Variants in DNMT1 observed in about 807,000 individuals in gnomAD.
DNMT1 encodes the protein DNA methyltransferase 1, also known as DNA (cytosine-5)-methyltransferase 1.
Under a neutral mutation model 205.3 loss-of-function variants are expected in DNMT1, and 24 were observed. That is an observed-to-expected ratio of 0.12 (90% CI 0.08 to 0.16). DNMT1 has a LOEUF of 0.16. Ranked by LOEUF, DNMT1 falls within the 10% of genes least tolerant of loss-of-function variation. The pLI is 1.00. For synonymous variants in DNMT1, 817 were observed against 839.8 expected, an observed-to-expected ratio of 0.97 and a Z score of 0.47; for missense variants, 1,293 against 2,177.7, an observed-to-expected ratio of 0.59 and a Z score of 8.09.
chr19:10,155,067 C>T lies in DNMT1; in HGVS notation c.1493-11G>A. On this transcript the variant is annotated splice_polypyrimidine_tract_variant and intron_variant, in intron 19 of 40. Coordinates refer to ENST00000359526, the MANE Select transcript of DNMT1 (RefSeq NM_001130823.3). ...TGTATTCGGCAAATGCTGGGGTGAA[C>T]AGAGGAGGTGTGGAAAAGGGGCTGG... 1.9e-6 allele frequency: 3 copies of T among 1,613,984 alleles called. No homozygotes were observed. The highest frequency in any genetic ancestry group is 1.7e-5 in the Admixed American group (1 of 60,012).
In DNMT1 at chr19:10,180,936, T is replaced by C. The variant is rs149650461; in HGVS notation, c.118-51A>G. 3 of 1,461,420 alleles carry C rather than the reference T, an allele frequency of 2.1e-6. No individual in the cohort carries two copies. The East Asian group carries it at 6.8e-5, about 33-fold the overall frequency. 90.5% of individuals were successfully genotyped at this position (1,461,420 alleles called of 1,614,324 possible). On this transcript the variant is annotated intron_variant, in intron 2 of 40. Transcript: ENST00000359526. ...GTACCCACATTCCCAAGCTATTCACTAGTGGACTAATACACAAATTATTGA... is the reference window on the plus strand; with the variant it reads ...GTACCCACATTCCCAAGCTATTCACCAGTGGACTAATACACAAATTATTGA...
chr19:10,162,493 C>T (rs1568240244), intron 13 of DNMT1, among the ~76,000 whole-genome samples, 174 bp downstream of exon 13: 1 of 151,208 alleles, frequency 6.6e-6, no homozygotes, highest in Non-Finnish European at 1.5e-5. Flanking sequence ...TGGTCTTGAA[C>T]TCCTGACCTC....
At position 10,151,340 on chromosome 19, in the gene DNMT1, G is replaced by A; in HGVS notation, c.2265+58C>T. ...GAGGTCAGGTTGGCGAGATACTAGA[G>A]GGCAACCTGCTTATTGGGAACATGG... is the stretch of plus-strand genomic sequence containing the variant. On this transcript the variant is annotated intron_variant, in intron 24 of 40. Transcript: ENST00000359526. The surrounding 1 kb of genome is among the most constrained non-coding windows in gnomAD (Gnocchi z 5.0). 1.9e-6 allele frequency: 3 copies of A among 1,603,834 alleles called. No individual in the cohort carries two copies. Among genetic ancestry groups the A allele is most frequent in the Non-Finnish European group, 8.5e-7 (1 of 1,179,746 alleles).
At chr19:10,185,843 GAAAAAAA>G (rs57377594) in intron 1 of DNMT1, among the ~76,000 whole-genome samples, 1 of 70,726 alleles carries the variant, frequency 1.4e-5, no homozygotes, top group African/African-American at 4.9e-5. Flanking sequence ...TGTCTCAAAA[GAAAAAAA>G]AAAAAAAAAA....
chr19:10,169,706 A>C (rs1417392139), intron 9 of DNMT1, among the ~76,000 whole-genome samples: 1 of 151,188 alleles, frequency 6.6e-6, no homozygotes, highest in Non-Finnish European at 1.5e-5. Flanking sequence ...GCGGAGCTTG[A>C]AGTGAGCGGA....
intron 8 of DNMT1, 127 bp downstream of exon 8, chr19:10,173,743 TG>T (rs771580824): frequency 4.0e-5 from 39 of 969,298 alleles, no homozygotes; most frequent in Non-Finnish European, 6.1e-5. Flanking sequence ...TCGCCCATCT[TG>T]GCCTCCCAAA....
At chr19:10,141,831 T>G (rs946642594) in intron 30 of DNMT1, 197 bp downstream of exon 30, 18 of 614,624 alleles carry the variant, frequency 2.9e-5, no homozygotes, top group Admixed American at 8.9e-5. Flanking sequence ...CACTTGAATC[T>G]CATACAACTT....
At chr19:10,135,877 G>T in intron 38 of DNMT1, 25 bp from the exon 39 acceptor site, 1 of 1,540,504 alleles carries the variant, frequency 6.5e-7, no homozygotes, top group South Asian at 1.2e-5. Flanking sequence ...CGCGGTGGGC[G>T]AGGGCAGTAG....
chr19:10,184,611 G>C (rs538196691), intron 1 of DNMT1: 85 of 152,270 alleles, frequency 5.6e-4, no homozygotes, highest in African/African-American at 2.0e-3. Flanking sequence ...GCAGGAGTTC[G>C]AGTCCAGCCT....
intron 27 of DNMT1, among the ~76,000 whole-genome samples, chr19:10,148,648 C>G (rs952363196): frequency 1.3e-5 from 2 of 152,204 alleles, no homozygotes; most frequent in Admixed American, 6.5e-5. Flanking sequence ...AAGACGAACC[C>G]TGTTCCTGGG....
intron 7 of DNMT1, 37 bp downstream of exon 7, chr19:10,175,503 T>A: frequency 6.2e-7 from 1 of 1,609,940 alleles, no homozygotes; most frequent in South Asian, 1.1e-5. Context: ...ATACACCAAG[T>A]TAAGGTAGAG....
In DNMT1 at chr19:10,160,408, C is replaced by T; in HGVS notation, c.1019G>A (p.Arg340Lys). 1 of 1,614,104 alleles carries T rather than the reference C, an allele frequency of 6.2e-7. No homozygotes were observed. The highest frequency in any genetic ancestry group is 8.5e-7 in the Non-Finnish European group (1 of 1,179,986). ...EKDEDEKEEK[R>K]RKTTPKEPTE... ...CGGTTCTTTGGGGGTCGTTTTGCGT[C>T]TCTTCTCCTCCTACACAGGGAAAAC... The change falls in exon 14 of 41, where the codon AGA becomes AAA. Residue 340 changes from arginine to lysine, a missense_variant. Physicochemically the swap from Arg to Lys is conservative, Grantham distance 26. Transcript: ENST00000359526.
At position 10,166,698 on chromosome 19, in the gene DNMT1, A is replaced by T. The variant is rs773612383; in HGVS notation, c.804-13T>A. ...CTGTTTGGGTGTTCTGTCACAGAAG[A>T]CAACACACACACAGGCTGGTCAGCT... On this transcript the variant is annotated splice_polypyrimidine_tract_variant and intron_variant, in intron 10 of 40. Transcript: ENST00000359526. 6.2e-7 allele frequency: 1 copy of T among 1,614,012 alleles called. No homozygotes were observed.
chr19:10,173,763 A>G, intron 8 of DNMT1, 108 bp downstream of exon 8: 1 of 1,245,084 alleles, frequency 8.0e-7, no homozygotes, highest in East Asian at 2.4e-5. Flanking sequence ...AAGTGCTGAG[A>G]TTACAGGCAT....
intron 39 of DNMT1, 79 bp downstream of exon 39, chr19:10,135,657 G>T: frequency 6.8e-7 from 1 of 1,480,778 alleles, no homozygotes; most frequent in Non-Finnish European, 9.2e-7. Flanking sequence ...GGAAGTGACT[G>T]CGCTGGCCCC....
At position 10,149,003 on chromosome 19, in the gene DNMT1, G is replaced by A. The variant is rs200414033; in HGVS notation, c.2601C>T (p.Pro867=). The change falls in exon 27 of 41, where the codon CCC becomes CCT. Residue 867 remains proline (P), a synonymous_variant. Transcript: ENST00000359526. ...ENWAMEGGMD[P]ESLLEGDDGK... ...CGTCGTCCCCCTCCAGCAGGGACTCGGGATCCATGCCTCCCTTGGGAGATA... is the reference window on the plus strand; with the variant it reads ...CGTCGTCCCCCTCCAGCAGGGACTCAGGATCCATGCCTCCCTTGGGAGATA... 3.0e-5 allele frequency: 48 copies of A among 1,614,044 alleles called. No individual in the cohort carries two copies. Among genetic ancestry groups the A allele is most frequent in the African/African-American group, 6.7e-5 (5 of 75,034 alleles).
At chr19:10,160,519 C>A (rs540196498) in intron 13 of DNMT1, 101 bp from the exon 14 acceptor site, 2 of 1,332,556 alleles carry the variant, frequency 1.5e-6, no homozygotes, top group Non-Finnish European at 2.1e-6. Context: ...TATCATAAAA[C>A]AGAGAGAAGG....
At chr19:10,135,446 G>A in intron 39 of DNMT1, 1 of 476,838 alleles carries the variant, frequency 2.1e-6, no homozygotes. Context: ...TACAGCGAGT[G>A]AGCTGTCGCC....
chr19:10,137,968 G>A lies in DNMT1; in HGVS notation c.4157C>T (p.Thr1386Met). 1 of 1,611,610 alleles carries A rather than the reference G, an allele frequency of 6.2e-7. No individual in the cohort carries two copies. Residue 1386 changes from threonine to methionine, a missense_variant, in exon 36 of 41, where the codon ACG (threonine) becomes ATG (methionine). By Grantham distance (81) the Thr-to-Met change is moderately conservative. Around this residue, in one of 13 missense-constraint regions of DNMT1, gnomAD observed 148 missense variants for 256.1 expected, o/e 0.58. Transcript: ENST00000359526. This position sits in a 1 kb window ranked among gnomAD's most constrained non-coding sequence, Gnocchi z 6.4. ...GPFRTITVRDTMSDLPEVRNG... is the reference protein window; with the variant it reads ...GPFRTITVRDMMSDLPEVRNG... ...CCGCACCTCCGGCAGGTCGGACATC[G>A]TGTCTCGCACCGTGATGGTCCGGAA...
Sources: allele counts gnomAD v4.1 joint callset (sites outside exome capture counted in the v4.1 genomes callset), GRCh38; gene constraint gnomAD v4.1.1; regional missense constraint gnomAD v4.1.1; non-coding constraint Gnocchi (gnomAD v3.1); transcripts MANE v1.5; gene names NCBI Gene and HGNC (gene_info 2026-07-23, HGNC 2026-07-21).